Variants in METTL24 observed in about 807,000 individuals in gnomAD.
The protein encoded by METTL24 is probable methyltransferase-like protein 24.
Under a neutral mutation model 32.7 loss-of-function variants are expected in METTL24, and 29 were observed. The ratio of observed to expected loss-of-function variants is 0.89; its 90% CI spans 0.66 to 1.21. The LOEUF is 1.21. Among genes scored for constraint, METTL24 ranks in the 50% most tolerant of loss-of-function variants. The pLI, the probability that METTL24 is intolerant of heterozygous loss-of-function variation, is 0.00. For synonymous variants in METTL24, 163 were observed against 179.5 expected (o/e 0.91, Z 0.73); for missense variants, 439 against 468.1 (o/e 0.94, Z 0.57).
intron 2 of METTL24, among the ~76,000 whole-genome samples, chr6:110,315,989 C>T (rs531237827): frequency 3.5e-4 from 53 of 152,304 alleles, no homozygotes; most frequent in South Asian, 1.9e-3. Flanking sequence ...TTAGCTATCC[C>T]TTATTTCAGG....
intron 3 of METTL24, among the ~76,000 whole-genome samples, chr6:110,302,568 C>T (rs9374162): frequency 0.9 from 86,220 of 95,730 alleles, 39,190 homozygotes; most frequent in South Asian, 0.95. Context: ...TATATACACA[C>T]ATACACACAC....
At position 110,290,734 on chromosome 6, in the gene METTL24, C is replaced by G. The variant is rs118002095; in HGVS notation, c.786+8188G>C. On this transcript the variant is annotated intron_variant, in intron 4 of 4. Transcript: ENST00000338882. The stretch of plus-strand genomic sequence containing the variant: ...GTTTTCAGTTATCTTGGGTAAATAT[C>G]TAGGAATGGGTTTACTGGATCAATT... Among the ~76,000 whole-genome samples the G allele has an allele frequency of 9.6e-3, 1,461 of 152,256 alleles. 10 individuals are homozygous for G. Among genetic ancestry groups the G allele is most frequent in the Middle Eastern group, 0.034 (10 of 294 alleles).
At chr6:110,323,866 C>T (rs915387495) in intron 1 of METTL24, among the ~76,000 whole-genome samples, 9 of 152,004 alleles carry the variant, frequency 5.9e-5, no homozygotes, top group Non-Finnish European at 1.2e-4. Context: ...CCCCTAAACC[C>T]CTTTTTATAT....
chr6:110,245,103 G>C lies in METTL24; in HGVS notation c.*843C>G, dbSNP rs1778128301. Among the ~76,000 whole-genome samples, 2 of 152,090 alleles carry C rather than the reference G, an allele frequency of 1.3e-5. No homozygotes were observed. Among genetic ancestry groups the C allele is most frequent in the African/African-American group, 4.8e-5 (2 of 41,410 alleles). ...AGATCTTTAGTTAAACATTATTCTA[G>C]GTGTATCTGTAAGGATATTTCCAGA... is the stretch of plus-strand genomic sequence containing the variant. On this transcript the variant is annotated 3_prime_UTR_variant, in exon 5 of 5. Coordinates refer to ENST00000338882, the MANE Select transcript of METTL24 (RefSeq NM_001123364.3).
intron 1 of METTL24, among the ~76,000 whole-genome samples, chr6:110,350,018 C>T (rs540358431): frequency 2.6e-5 from 4 of 152,350 alleles, no homozygotes; most frequent in South Asian, 2.1e-4. Context: ...CTGTGGCCCT[C>T]GTGCCACCTG....
At chr6:110,344,653 C>T (rs1048814277) in intron 1 of METTL24, among the ~76,000 whole-genome samples, 9 of 151,744 alleles carry the variant, frequency 5.9e-5, no homozygotes, top group African/African-American at 2.2e-4. Flanking sequence ...TGTATATACC[C>T]CAAGTTAGTG....
At chr6:110,247,601 C>T (rs931287269) in intron 4 of METTL24, among the ~76,000 whole-genome samples, 2 of 152,148 alleles carry the variant, frequency 1.3e-5, no homozygotes, top group African/African-American at 4.8e-5. Context: ...ACTGGAATAA[C>T]GAGGCTGGAG....
At chr6:110,279,092 T>C (rs1011734653) in intron 4 of METTL24, among the ~76,000 whole-genome samples, 1 of 152,236 alleles carries the variant, frequency 6.6e-6, no homozygotes, top group African/African-American at 2.4e-5. Flanking sequence ...TACTATCATT[T>C]CATTTTAGAA....
Position 110,246,392 on chromosome 6 carries a change from G to A in METTL24, c.787-132C>T. On this transcript the variant is annotated intron_variant, in intron 4 of 4. Transcript: ENST00000338882. Reference sequence around the variant, plus strand: ...TAGAGCTGAGGGTGGTTTTCAAGTGGCCATTTGCATTTATGACATGAATTT... The same window carrying A: ...TAGAGCTGAGGGTGGTTTTCAAGTGACCATTTGCATTTATGACATGAATTT... 4 of 725,492 alleles carry A rather than the reference G, an allele frequency of 5.5e-6. No individual in the cohort carries two copies. The South Asian group carries it at 8.0e-5, about 15-fold the overall frequency. The allele number at this position is 725,492 out of a possible 1,614,324, so 44.9% of individuals were successfully genotyped here.
At position 110,333,880 on chromosome 6, in the gene METTL24, T is replaced by C. The variant is rs571494514; in HGVS notation, c.319-11008A>G. On this transcript the variant is annotated intron_variant, in intron 1 of 4. Transcript: ENST00000338882. The stretch of plus-strand genomic sequence containing the variant: ...AAGTGCATTTACATTACTTTATTTA[T>C]ACTTTTATTTTGAGGCTTTTCTTTT... 3.3e-3 allele frequency among the ~76,000 whole-genome samples: 501 copies of C among 152,372 alleles called. 2 individuals carry two copies. Among genetic ancestry groups the C allele is most frequent in the Non-Finnish European group, 4.8e-3 (324 of 68,040 alleles).
At chr6:110,258,789 TACAC>T (rs146964745) in intron 4 of METTL24, among the ~76,000 whole-genome samples, 14,164 of 145,792 alleles carry the variant, frequency 0.097, 710 homozygotes, top group South Asian at 0.15. Flanking sequence ...TAGATGCATT[TACAC>T]ACACACACAC....
chr6:110,266,253 A>C lies in METTL24; in HGVS notation c.787-19993T>G, dbSNP rs1293280570. On this transcript the variant is annotated intron_variant, in intron 4 of 4. Transcript: ENST00000338882. ...TTAAACTACTGTTACTTTTTTTCAC[A>C]TGCAACTCAACCTAATCTGAAATAC... Among the ~76,000 whole-genome samples the C allele has an allele frequency of 1.3e-5, 2 of 152,096 alleles. 1 individual carries two copies. Among genetic ancestry groups the C allele is most frequent in the Non-Finnish European group, 2.9e-5 (2 of 68,006 alleles).
At chr6:110,253,015 T>C (rs1018187384) in intron 4 of METTL24, among the ~76,000 whole-genome samples, 1 of 152,192 alleles carries the variant, frequency 6.6e-6, no homozygotes, top group Non-Finnish European at 1.5e-5. Flanking sequence ...GAATGACTGA[T>C]TGACTAACAC....
intron 1 of METTL24, among the ~76,000 whole-genome samples, chr6:110,339,220 G>GA (rs1480177514): frequency 6.6e-6 from 1 of 152,144 alleles, no homozygotes; most frequent in African/African-American, 2.4e-5. Flanking sequence ...AACCAACTCA[G>GA]AATTTTCCCT....
At chr6:110,284,708 T>A (rs913819404) in intron 4 of METTL24, among the ~76,000 whole-genome samples, 18 of 152,282 alleles carry the variant, frequency 1.2e-4, no homozygotes, top group African/African-American at 4.1e-4. Context: ...CACAAAAAAA[T>A]TTTAGTATAA....
At chr6:110,316,665 G>A (rs1258830367) in intron 2 of METTL24, among the ~76,000 whole-genome samples, 1 of 152,210 alleles carries the variant, frequency 6.6e-6, no homozygotes, top group Admixed American at 6.5e-5. Context: ...GGAGGCCGAG[G>A]CAGGAGGATC....
At chr6:110,302,521 A>G (rs546066141) in intron 3 of METTL24, among the ~76,000 whole-genome samples, 3 of 118,884 alleles carry the variant, frequency 2.5e-5, no homozygotes, top group African/African-American at 9.6e-5. Flanking sequence ...ACACACACAT[A>G]TGTGTATATA....
At chr6:110,337,678 C>A (rs1240229686) in intron 1 of METTL24, among the ~76,000 whole-genome samples, 1 of 152,150 alleles carries the variant, frequency 6.6e-6, no homozygotes. Flanking sequence ...CAAAACAAAT[C>A]CTGTTGCATC....
chr6:110,264,910 G>A (rs1312590493), intron 4 of METTL24, among the ~76,000 whole-genome samples: 9 of 151,942 alleles, frequency 5.9e-5, no homozygotes, highest in Non-Finnish European at 1.3e-4. Flanking sequence ...CTCATAGGTG[G>A]GAATTGAACA....
Sources: allele counts gnomAD v4.1 joint callset (sites outside exome capture counted in the v4.1 genomes callset), GRCh38; gene constraint gnomAD v4.1.1; transcripts MANE v1.5; gene names NCBI Gene and HGNC (gene_info 2026-07-23, HGNC 2026-07-21).